Variants in CHD4 observed in about 807,000 individuals in gnomAD.
The protein encoded by CHD4 is chromodomain helicase DNA binding protein 4.
Under a neutral mutation model 235.5 loss-of-function variants are expected in CHD4, and 35 were observed. That is an observed-to-expected ratio of 0.15 (90% CI 0.11 to 0.20). The LOEUF (loss-of-function observed/expected upper bound fraction) is 0.20. Ranked by LOEUF, CHD4 falls within the 10% of genes least tolerant of loss-of-function variation. CHD4 has a pLI of 1.00. For synonymous variants in CHD4, 900 were observed against 850.2 expected (o/e 1.06, Z -1.02); for missense variants, 1,329 against 2,432.3 (o/e 0.55, Z 9.54).
chr12:6,596,227 C>T, intron 12 of CHD4, 90 bp from the exon 13 acceptor site: 1 of 1,522,574 alleles, frequency 6.6e-7, no homozygotes, highest in Admixed American at 1.8e-5. Flanking sequence ...TTGTTTCACA[C>T]CAGACCTCTA....
At chr12:6,606,229 C>T in intron 2 of CHD4, 45 bp downstream of exon 2, 3 of 1,326,274 alleles carry the variant, frequency 2.3e-6, no homozygotes, top group Non-Finnish European at 3.2e-6. Context: ...TCGGGAGAGC[C>T]CCAGATGTCT....
intron 12 of CHD4, among the ~76,000 whole-genome samples, chr12:6,597,555 G>A (rs1022733728): frequency 1.3e-5 from 2 of 152,160 alleles, no homozygotes; most frequent in Non-Finnish European, 2.9e-5. Flanking sequence ...CCTGAGGTCA[G>A]GAGTTCAAGA....
At chr12:6,595,129 T>A (rs1297168083) in intron 14 of CHD4, among the ~76,000 whole-genome samples, 1 of 152,126 alleles carries the variant, frequency 6.6e-6, no homozygotes, top group Admixed American at 6.6e-5. Flanking sequence ...ACCTCCTTTT[T>A]TTTTTTCTGA....
intron 2 of CHD4, among the ~76,000 whole-genome samples, chr12:6,603,350 G>A (rs566549059): frequency 6.3e-4 from 96 of 152,048 alleles, no homozygotes; most frequent in African/African-American, 2.1e-3. Context: ...CACTGGCTCC[G>A]ACTCCCTCCT....
At chr12:6,605,441 G>C (rs1391632857) in intron 2 of CHD4, among the ~76,000 whole-genome samples, 5 of 152,116 alleles carry the variant, frequency 3.3e-5, no homozygotes, top group African/African-American at 9.7e-5. Flanking sequence ...CAATCAGACA[G>C]GGTGGTTACA....
chr12:6,598,323 T>C lies in CHD4; in HGVS notation c.1585A>G (p.Thr529Ala). Residue 529 changes from threonine (T) to alanine (A), a missense_variant, in exon 11 of 40, where the codon ACG (threonine) becomes GCG (alanine). Around this residue, in one of 26 missense-constraint regions of CHD4, gnomAD observed 45 missense variants for 47.5 expected, o/e 0.95. Coordinates refer to ENST00000544040, the MANE Select transcript of CHD4 (RefSeq NM_001273.5). ...CCCTCCAAGGGCTTTGGGGAGGGCGTGTTGGGATCAGCATCTGGAGGCCGA... is the reference window on the plus strand; with the variant it reads ...CCCTCCAAGGGCTTTGGGGAGGGCGCGTTGGGATCAGCATCTGGAGGCCGA... The part of the protein sequence containing the change: ...VPRPPDADPN[T>A]PSPKPLEGRP... 1 of 1,614,078 alleles carries C rather than the reference T, an allele frequency of 6.2e-7. No homozygotes were observed.
At chr12:6,572,564 C>A (rs927424654) in intron 38 of CHD4, among the ~76,000 whole-genome samples, 1 of 151,854 alleles carries the variant, frequency 6.6e-6, no homozygotes, top group Middle Eastern at 3.2e-3. Context: ...GAGCCCATCT[C>A]TTTTTTTTCT....
chr12:6,593,292 T>G lies in CHD4; in HGVS notation c.2515-64A>C, dbSNP rs1429171702. The G allele has an allele frequency of 2.5e-6, 4 of 1,607,618 alleles. No individual in the cohort carries two copies. Among genetic ancestry groups the G allele is most frequent in the Admixed American group, 1.7e-5 (1 of 59,944 alleles). ...CTCTGTGTAAGCACAACCAGGAGAC[T>G]GATGGAATGTTTTCCTCCTCCCAGG... On this transcript the variant is annotated intron_variant, in intron 16 of 39. Coordinates refer to ENST00000544040, the MANE Select transcript of CHD4 (RefSeq NM_001273.5). This position sits in a 1 kb window ranked among gnomAD's most constrained non-coding sequence, Gnocchi z 4.9.
At position 6,589,584 on chromosome 12, in the gene CHD4, T is replaced by A. The variant is rs549010597; in HGVS notation, c.3341-1162A>T. Among the ~76,000 whole-genome samples, 5 of 151,640 alleles carry A rather than the reference T, an allele frequency of 3.3e-5. No homozygotes were observed. The East Asian group carries it at 9.8e-4, about 30-fold the overall frequency. ...GAGATCGAGACCATCCTGGCCAACA[T>A]GGTGAAACCCTGTCTCTACTAACAG... is the stretch of plus-strand genomic sequence containing the variant. On this transcript the variant is annotated intron_variant, in intron 22 of 39. Coordinates refer to ENST00000544040, the MANE Select transcript of CHD4 (RefSeq NM_001273.5).
Position 6,587,475 on chromosome 12 carries a change from T to C in CHD4, c.3788A>G (p.Asp1263Gly), listed in dbSNP as rs1334173385. 2 of 1,614,080 alleles carry C rather than the reference T, an allele frequency of 1.2e-6. No individual in the cohort carries two copies. Among genetic ancestry groups the C allele is most frequent in the Non-Finnish European group, 1.7e-6 (2 of 1,180,048 alleles). The change falls in exon 25 of 40, where the codon GAT becomes GGT. Residue 1263 changes from aspartate to glycine, a missense_variant. Coordinates refer to ENST00000544040, the MANE Select transcript of CHD4 (RefSeq NM_001273.5). ...AIERLLDRNQ[D>G]ETEDTELQGM... ...CTGCAATTCTGTGTCTTCAGTCTCA[T>C]CCTGGTTACGGTCTAGCAGCCGTTC...
intron 18 of CHD4, 32 bp downstream of exon 18, chr12:6,592,664 T>C: frequency 6.2e-7 from 1 of 1,605,460 alleles, no homozygotes; most frequent in East Asian, 2.2e-5. Context: ...GAGGCACAAT[T>C]ATGAGCCGAT....
At chr12:6,592,643 A>T in intron 18 of CHD4, 53 bp downstream of exon 18, 1 of 1,591,168 alleles carries the variant, frequency 6.3e-7, no homozygotes, top group Non-Finnish European at 8.6e-7. Context: ...AATGGGCAAC[A>T]GGAAGAATGA....
Position 6,570,527 on chromosome 12 carries a change from T to C in CHD4, c.*149A>G. 1 of 887,520 alleles carries C rather than the reference T, an allele frequency of 1.1e-6. No individual in the cohort carries two copies. The highest frequency in any genetic ancestry group is 1.8e-6 in the Non-Finnish European group (1 of 568,964). The allele number at this position is 887,520 out of a possible 1,614,324, so 55.0% of individuals were successfully genotyped here. On this transcript the variant is annotated 3_prime_UTR_variant, in exon 40 of 40. Transcript: ENST00000544040. ...CACCACTGCCCCTCACTCCCTCCCCTCCCCCAGTGCACTGGGGCTGTTCCT... is the reference window on the plus strand; with the variant it reads ...CACCACTGCCCCTCACTCCCTCCCCCCCCCCAGTGCACTGGGGCTGTTCCT...
At chr12:6,604,877 G>A (rs1948663192) in intron 2 of CHD4, among the ~76,000 whole-genome samples, 1 of 152,158 alleles carries the variant, frequency 6.6e-6, no homozygotes, top group Admixed American at 6.6e-5. Context: ...CCAATGGGAG[G>A]CCAAGACGTG....
Position 6,594,447 on chromosome 12 carries a change from A to C in CHD4, c.2313+12T>G. Reference sequence around the variant, plus strand: ...ACCCACACAAAAAACTATCCACCCCAGATTTCCTTACCTCCTTGTAAAGGG... The same window carrying C: ...ACCCACACAAAAAACTATCCACCCCCGATTTCCTTACCTCCTTGTAAAGGG... On this transcript the variant is annotated intron_variant, in intron 15 of 39. Transcript: ENST00000544040. 2 of 1,595,974 alleles carry C rather than the reference A, an allele frequency of 1.3e-6. No homozygotes were observed. The highest frequency in any genetic ancestry group is 1.7e-6 in the Non-Finnish European group (2 of 1,169,142).
chr12:6,599,252 T>G (rs1046870666), intron 10 of CHD4, among the ~76,000 whole-genome samples: 1 of 151,946 alleles, frequency 6.6e-6, no homozygotes. Context: ...GGCAACATAG[T>G]GAGACCCTGT....
rs545502424 is a variant in CHD4, at chr12:6,606,241, C to T, written c.100+33G>A. On this transcript the variant is annotated intron_variant, in intron 2 of 39. Coordinates refer to ENST00000544040, the MANE Select transcript of CHD4 (RefSeq NM_001273.5). The stretch of plus-strand genomic sequence containing the variant: ...CACTCGGGAGAGCCCCAGATGTCTC[C>T]TTCCCGCCATGGGCCCTTGGGGAAG... 6.3e-6 allele frequency: 9 copies of T among 1,433,908 alleles called. No individual in the cohort carries two copies. The South Asian group carries it at 1.1e-4, about 17-fold the overall frequency. The allele number at this position is 1,433,908 out of a possible 1,614,324, so 88.8% of individuals were successfully genotyped here. A position where few individuals can be genotyped will look rare whatever the true frequency, so the allele number is the denominator to read the frequency against.
intron 37 of CHD4, among the ~76,000 whole-genome samples, chr12:6,576,565 T>TA (rs1341443245): frequency 6.6e-6 from 1 of 152,170 alleles, no homozygotes; most frequent in African/African-American, 2.4e-5. Context: ...TCAGCTCTTT[T>TA]AAATGCTGAG....
chr12:6,584,718 A>G (rs932778739), intron 25 of CHD4: 27 of 152,232 alleles, frequency 1.8e-4, no homozygotes, highest in African/African-American at 6.3e-4. Flanking sequence ...AATTCTATCT[A>G]TTAAAAATAA....
Sources: allele counts gnomAD v4.1 joint callset (sites outside exome capture counted in the v4.1 genomes callset), GRCh38; gene constraint gnomAD v4.1.1; regional missense constraint gnomAD v4.1.1; non-coding constraint Gnocchi (gnomAD v3.1); transcripts MANE v1.5; gene names NCBI Gene and HGNC (gene_info 2026-07-23, HGNC 2026-07-21).